The following CHCHD3 variants were observed in gnomAD, a reference collection of about 807,000 sequenced individuals.
CHCHD3 encodes coiled-coil-helix-coiled-coil-helix domain containing 3.
Under a neutral mutation model 38.2 loss-of-function variants are expected in CHCHD3, and 20 were observed. The observed-to-expected ratio is 0.52, with a 90% CI of 0.37 to 0.76. The LOEUF (loss-of-function observed/expected upper bound fraction) is 0.76, where lower values mean the gene tolerates loss of function less well. Ranked by LOEUF, CHCHD3 falls within the 30% of genes least tolerant of loss-of-function variation. The pLI is 0.00. For missense variants in CHCHD3, 245 were observed against 279.2 expected, an observed-to-expected ratio of 0.88 and a Z score of 0.87; for synonymous variants, 82 against 100.0, an observed-to-expected ratio of 0.82 and a Z score of 1.07.
intron 5 of CHCHD3, among the ~76,000 whole-genome samples, chr7:132,862,036 A>G (rs1027365690): frequency 7.9e-5 from 12 of 152,050 alleles, no homozygotes; most frequent in African/African-American, 2.7e-4. Flanking sequence ...ATGTCTATGA[A>G]TCTTGAAATC....
intron 6 of CHCHD3, among the ~76,000 whole-genome samples, chr7:132,821,607 T>A (rs568470629): frequency 6.6e-6 from 1 of 152,272 alleles, no homozygotes; most frequent in Non-Finnish European, 1.5e-5. Flanking sequence ...TATTAAACAT[T>A]TGCTCTTTCT....
At chr7:133,011,875 A>C (rs1812883071) in intron 3 of CHCHD3, among the ~76,000 whole-genome samples, 1 of 152,234 alleles carries the variant, frequency 6.6e-6, no homozygotes, top group African/African-American at 2.4e-5. Context: ...TCTGTTACGA[A>C]GAAACACTGA....
At chr7:132,972,498 C>T in intron 4 of CHCHD3, 1 of 796,522 alleles carries the variant, frequency 1.3e-6, no homozygotes, top group Non-Finnish European at 1.5e-6. Flanking sequence ...ATTTTAGTAT[C>T]CCTTTGTATT....
At position 133,081,846 on chromosome 7, in the gene CHCHD3, C is replaced by G. The variant is rs774786489; in HGVS notation, c.81+11G>C. ...CAACCACTGGCCCTCCGCCCGTCCA[C>G]GGGCACTCACCCGGATGCCCTTCAC... On this transcript the variant is annotated intron_variant, in intron 1 of 7. Transcript: ENST00000262570. 6.4e-7 allele frequency: 1 copy of G among 1,552,290 alleles called. No individual in the cohort carries two copies.
At chr7:132,985,523 C>A (rs536635201) in intron 3 of CHCHD3, among the ~76,000 whole-genome samples, 1 of 49,584 alleles carries the variant, frequency 2.0e-5, no homozygotes, top group South Asian at 7.5e-4. Context: ...GCCCCCGGCC[C>A]GGCCAGCCGC....
At chr7:132,992,750 T>C (rs1812316864) in intron 3 of CHCHD3, among the ~76,000 whole-genome samples, 1 of 152,224 alleles carries the variant, frequency 6.6e-6, no homozygotes, top group Non-Finnish European at 1.5e-5. Context: ...TCACATAATA[T>C]TTCTGTTAAA....
In CHCHD3 at chr7:132,960,226, A is replaced by G. The variant is rs1352890576; in HGVS notation, c.369+14943T>C. ...GTGTCACTCTACGGGACCAGTGTAC[A>G]TGTTCCTAAGGCTCACAAAAAAAAA... is the stretch of plus-strand genomic sequence containing the variant. On this transcript the variant is annotated intron_variant, in intron 4 of 7. Transcript: ENST00000262570. Among the ~76,000 whole-genome samples the G allele has an allele frequency of 2.6e-5, 4 of 152,060 alleles. No homozygotes were observed. In the East Asian group the frequency reaches 7.7e-4, roughly 29 times the overall value.
At chr7:132,845,845 T>C (rs888666901) in intron 5 of CHCHD3, among the ~76,000 whole-genome samples, 1 of 152,194 alleles carries the variant, frequency 6.6e-6, no homozygotes, top group Non-Finnish European at 1.5e-5. Context: ...AAGCGGCATT[T>C]TCTTATGGGT....
intron 5 of CHCHD3, among the ~76,000 whole-genome samples, chr7:132,870,714 C>G (rs1808747624): frequency 6.6e-6 from 1 of 152,036 alleles, no homozygotes; most frequent in Admixed American, 6.6e-5. Context: ...TTTGGGAGGG[C>G]CACCCCAACA....
At chr7:132,786,752 C>A (rs982742500) in intron 7 of CHCHD3, among the ~76,000 whole-genome samples, 72 of 152,184 alleles carry the variant, frequency 4.7e-4, no homozygotes, top group African/African-American at 1.4e-3. Flanking sequence ...CTAATACATA[C>A]ACCTGTGGAA....
At chr7:132,961,557 GTTAA>G (rs1811321576) in intron 4 of CHCHD3, among the ~76,000 whole-genome samples, 1 of 152,170 alleles carries the variant, frequency 6.6e-6, no homozygotes, top group African/African-American at 2.4e-5. Flanking sequence ...CCACAATCAA[GTTAA>G]TTAACACATC....
intron 4 of CHCHD3, among the ~76,000 whole-genome samples, chr7:132,957,403 G>A (rs766383063): frequency 2.6e-5 from 4 of 152,168 alleles, no homozygotes; most frequent in Admixed American, 1.3e-4. Flanking sequence ...AAATGGCTGC[G>A]CCACTCCAAT....
intron 3 of CHCHD3, among the ~76,000 whole-genome samples, chr7:132,997,157 T>C (rs1214004997): frequency 6.6e-6 from 1 of 152,214 alleles, no homozygotes; most frequent in Non-Finnish European, 1.5e-5. Flanking sequence ...GAATTCACTA[T>C]GCCACCTTCA....
Position 133,035,750 on chromosome 7 carries a change from C to T in CHCHD3, c.170-11123G>A, listed in dbSNP as rs1813655283. ...CATCATCACCCTCAAATGCTGGGAC[C>T]TTGCCGGCAGGAAATTTGCGAAGAA... On this transcript the variant is annotated intron_variant, in intron 2 of 7. Transcript: ENST00000262570. This position sits in a 1 kb window ranked among gnomAD's most constrained non-coding sequence, Gnocchi z 4.7. The T allele has an allele frequency of 6.2e-7, 1 of 1,613,252 alleles. No individual in the cohort carries two copies.
At chr7:132,981,999 T>C (rs1811929518) in intron 3 of CHCHD3, among the ~76,000 whole-genome samples, 1 of 152,232 alleles carries the variant, frequency 6.6e-6, no homozygotes, top group Admixed American at 6.5e-5. Flanking sequence ...CAATGAATTT[T>C]ATTTTAACGC....
At chr7:132,823,804 C>A (rs1472433178) in intron 6 of CHCHD3, among the ~76,000 whole-genome samples, 1 of 152,156 alleles carries the variant, frequency 6.6e-6, no homozygotes, top group Non-Finnish European at 1.5e-5. Context: ...TGCAATGACA[C>A]AAAGAACCTG....
At chr7:132,841,162 A>G (rs1208110899) in intron 5 of CHCHD3, among the ~76,000 whole-genome samples, 4 of 152,240 alleles carry the variant, frequency 2.6e-5, no homozygotes, top group African/African-American at 9.6e-5. Context: ...TTAATTCATT[A>G]TTTAAGTATT....
intron 2 of CHCHD3, among the ~76,000 whole-genome samples, chr7:133,068,129 AT>A (rs1161731151): frequency 1.3e-5 from 2 of 152,114 alleles, no homozygotes; most frequent in African/African-American, 4.8e-5. Context: ...AAAAAAAAAA[AT>A]AAAAACGTGG....
At chr7:133,079,922 TG>T (rs1281188713) in intron 1 of CHCHD3, among the ~76,000 whole-genome samples, 1 of 152,184 alleles carries the variant, frequency 6.6e-6, no homozygotes, top group Non-Finnish European at 1.5e-5. Flanking sequence ...GAAACTGCAA[TG>T]GGCTAAGTAT....
Sources: gnomAD v4.1 joint callset for allele counts (sites outside exome capture counted in the v4.1 genomes callset) on GRCh38, gnomAD v4.1.1 for gene constraint, Gnocchi (gnomAD v3.1) non-coding constraint, MANE v1.5 for transcripts, NCBI Gene and HGNC (gene_info 2026-07-23, HGNC 2026-07-21) for gene names.